The following MROH9 variants were observed in gnomAD, a reference collection of about 807,000 sequenced individuals.
MROH9 encodes maestro heat-like repeat-containing protein family member 9.
A neutral mutation model predicts 98.2 loss-of-function variants in MROH9; 92 were observed. The ratio of observed to expected loss-of-function variants is 0.94; its 90% CI spans 0.79 to 1.11. The LOEUF (loss-of-function observed/expected upper bound fraction) is 1.11. Among genes scored for constraint, MROH9 ranks in the 50% most tolerant of loss-of-function variants. The pLI, the probability that MROH9 is intolerant of heterozygous loss-of-function variation, is 0.00. For synonymous variants in MROH9, 397 were observed against 368.9 expected (o/e 1.08, Z -0.87); for missense variants, 1,057 against 1,014.8 (o/e 1.04, Z -0.57).
chr1:170,944,820 A>G (rs1649261392), intron 1 of MROH9, among the ~76,000 whole-genome samples: 1 of 152,162 alleles, frequency 6.6e-6, no homozygotes, highest in Middle Eastern at 3.4e-3. Flanking sequence ...CACGTCTTAT[A>G]TCAATCCCTC....
At chr1:171,056,466 GCT>G (rs1653840280) in intron 20 of MROH9, among the ~76,000 whole-genome samples, 1 of 152,172 alleles carries the variant, frequency 6.6e-6, no homozygotes, top group African/African-American at 2.4e-5. Flanking sequence ...CTAACCAGAG[GCT>G]CAGGGACAGA....
intron 1 of MROH9, among the ~76,000 whole-genome samples, chr1:170,937,815 G>A (rs1034952674): frequency 1.1e-4 from 16 of 152,046 alleles, no homozygotes; most frequent in African/African-American, 2.7e-4. Flanking sequence ...GAGCCACCGC[G>A]CCCGGCCCAT....
At chr1:171,057,642 G>T (rs1653887688) in intron 20 of MROH9, among the ~76,000 whole-genome samples, 4 of 152,022 alleles carry the variant, frequency 2.6e-5, no homozygotes, top group Non-Finnish European at 5.9e-5. Flanking sequence ...TCCACAAGAA[G>T]ACAAACCCCA....
At chr1:170,976,885 C>A (rs923849271) in intron 8 of MROH9, among the ~76,000 whole-genome samples, 6 of 152,042 alleles carry the variant, frequency 3.9e-5, no homozygotes, top group Non-Finnish European at 5.9e-5. Context: ...TAGAATTGGC[C>A]TCTTTATATA....
intron 3 of MROH9, among the ~76,000 whole-genome samples, chr1:170,950,946 A>G (rs1466522834): frequency 6.6e-6 from 1 of 151,848 alleles, no homozygotes; most frequent in African/African-American, 2.4e-5. Context: ...TTTTTATATC[A>G]TCGAATTGGT....
At chr1:170,976,575 C>G (rs948049886) in intron 8 of MROH9, among the ~76,000 whole-genome samples, 7 of 151,934 alleles carry the variant, frequency 4.6e-5, no homozygotes, top group African/African-American at 1.7e-4. Context: ...GGTGAAACCT[C>G]GTCTCTAATA....
At chr1:170,952,593 C>T (rs1253408677) in intron 3 of MROH9, among the ~76,000 whole-genome samples, 2 of 102,658 alleles carry the variant, frequency 1.9e-5, no homozygotes, top group Non-Finnish European at 3.6e-5. Flanking sequence ...CACACTGGGG[C>T]CTGTTGTGGA....
At chr1:170,976,680 T>G (rs555669464) in intron 8 of MROH9, among the ~76,000 whole-genome samples, 40 of 152,292 alleles carry the variant, frequency 2.6e-4, no homozygotes, top group African/African-American at 8.7e-4. Flanking sequence ...CATATTTTCT[T>G]TTTTTATTTT....
intron 3 of MROH9, among the ~76,000 whole-genome samples, chr1:170,947,787 A>G (rs1023184544): frequency 3.3e-5 from 5 of 151,918 alleles, no homozygotes; most frequent in African/African-American, 1.2e-4. Context: ...CCTGAAAATG[A>G]CCTTCAGCAC....
chr1:170,959,567 G>A lies in MROH9; in HGVS notation c.258G>A (p.Gly86=), dbSNP rs770644516. The change falls in exon 5 of 22, where the codon GGG becomes GGA. Residue 86 remains glycine (G), a synonymous_variant. Coordinates refer to ENST00000367759, the MANE Select transcript of MROH9 (RefSeq NM_001163629.2). ...GTCTTGACAAAGTAAAAGAAATGGG[G>A]AGCAGTTATGAGTACATTGAGGACA... The part of the protein sequence containing the change: ...MPSLDKVKEM[G]SSYEYIEDME... 2 of 1,613,534 alleles carry A rather than the reference G, an allele frequency of 1.2e-6. No individual in the cohort carries two copies. The highest frequency in any genetic ancestry group is 1.7e-6 in the Non-Finnish European group (2 of 1,179,836).
At position 170,996,441 on chromosome 1, in the gene MROH9, T is replaced by C. The variant is rs2101814205; in HGVS notation, c.1338-66T>C. ...GCCCAAGATGGGATTAAAAGGCAGG[T>C]AATGTGTATTTAGTTTTTTGAATAT... is the stretch of plus-strand genomic sequence containing the variant. On this transcript the variant is annotated intron_variant, in intron 13 of 21. Coordinates refer to ENST00000367759, the MANE Select transcript of MROH9 (RefSeq NM_001163629.2). 2.6e-6 allele frequency: 4 copies of C among 1,562,352 alleles called. No individual in the cohort carries two copies. The Middle Eastern group carries it at 5.1e-4, about 200-fold the overall frequency.
intron 5 of MROH9, among the ~76,000 whole-genome samples, 184 bp downstream of exon 5, chr1:170,959,781 T>A (rs1649944332): frequency 6.6e-6 from 1 of 152,188 alleles, no homozygotes; most frequent in Admixed American, 6.5e-5. Context: ...GGGATTTTAA[T>A]GGATTCTATA....
chr1:171,037,971 T>C (rs937733299), intron 20 of MROH9, among the ~76,000 whole-genome samples: 3 of 151,890 alleles, frequency 2.0e-5, no homozygotes, highest in Non-Finnish European at 2.9e-5. Flanking sequence ...AAAAGGAAAC[T>C]ATAATAATAA....
At chr1:171,049,718 T>C (rs1653603806) in intron 20 of MROH9, among the ~76,000 whole-genome samples, 1 of 151,992 alleles carries the variant, frequency 6.6e-6, no homozygotes, top group Non-Finnish European at 1.5e-5. Context: ...CATGGTCTCC[T>C]CTGTAGCCCA....
In MROH9 at chr1:170,945,530, A is replaced by G. The variant is rs1649296593; in HGVS notation, c.-27A>G. 5.6e-6 allele frequency: 9 copies of G among 1,611,644 alleles called. No homozygotes were observed. Among genetic ancestry groups the G allele is most frequent in the Admixed American group, 1.7e-5 (1 of 59,802 alleles). On this transcript the variant is annotated 5_prime_UTR_variant, in exon 2 of 22. Transcript: ENST00000367759. ...TGATATTTTTTGCAGCATTACTAGTAGAAGACTTTAATACACCTCTGTCAG... is the reference window on the plus strand; with the variant it reads ...TGATATTTTTTGCAGCATTACTAGTGGAAGACTTTAATACACCTCTGTCAG...
At chr1:171,012,647 T>C (rs896695670) in intron 15 of MROH9, among the ~76,000 whole-genome samples, 7 of 151,652 alleles carry the variant, frequency 4.6e-5, no homozygotes, top group East Asian at 1.9e-4. Flanking sequence ...GGACTACAGG[T>C]GCCTGCCACC....
rs560789595 is a variant in MROH9, at chr1:171,054,446, A to G, written c.2282-7686A>G. On this transcript the variant is annotated intron_variant, in intron 20 of 21. Coordinates refer to ENST00000367759, the MANE Select transcript of MROH9 (RefSeq NM_001163629.2). ...AAAAATTCCAGAAAAATAGCATCAGAAAAACCTTTCTAGGCATTGGCTTAG... is the reference window on the plus strand; with the variant it reads ...AAAAATTCCAGAAAAATAGCATCAGGAAAACCTTTCTAGGCATTGGCTTAG... Among the ~76,000 whole-genome samples, 8 of 152,342 alleles carry G rather than the reference A, an allele frequency of 5.3e-5. No individual in the cohort carries two copies. In the East Asian group the frequency reaches 1.2e-3, roughly 22 times the overall value.
intron 7 of MROH9, among the ~76,000 whole-genome samples, chr1:170,969,887 G>T (rs1405041895): frequency 6.6e-6 from 1 of 152,132 alleles, no homozygotes; most frequent in African/African-American, 2.4e-5. Flanking sequence ...TCTTAGAGGA[G>T]GGGTAACTGT....
At chr1:171,024,279 T>C in intron 17 of MROH9, 116 bp from the exon 18 acceptor site, 1 of 762,546 alleles carries the variant, frequency 1.3e-6, no homozygotes. Flanking sequence ...TATACACATA[T>C]ACATATATAG....
Sources: allele counts gnomAD v4.1 joint callset (sites outside exome capture counted in the v4.1 genomes callset), GRCh38; gene constraint gnomAD v4.1.1; transcripts MANE v1.5; gene names NCBI Gene and HGNC (gene_info 2026-07-23, HGNC 2026-07-21).